Variants in CCSER1 observed in about 807,000 individuals in gnomAD.
CCSER1 encodes serine-rich coiled-coil domain-containing protein 1.
CCSER1 carries 41 observed loss-of-function variants against 82.0 expected under a neutral mutation model. The ratio of observed to expected loss-of-function variants is 0.50; its 90% CI spans 0.39 to 0.65. The LOEUF is 0.65. Among genes scored for constraint, CCSER1 ranks in the 30% least tolerant of loss-of-function variants. The pLI is 0.00. For synonymous variants in CCSER1, 414 were observed against 383.9 expected, an observed-to-expected ratio of 1.08 and a Z score of -0.92; for missense variants, 1,119 against 1,064.2, an observed-to-expected ratio of 1.05 and a Z score of -0.72.
intron 10 of CCSER1, among the ~76,000 whole-genome samples, chr4:91,250,823 A>G (rs1004230688): frequency 6.6e-6 from 1 of 152,104 alleles, no homozygotes; most frequent in African/African-American, 2.4e-5. Context: ...TAGCAATTCT[A>G]AAGTATTGTG....
In CCSER1 at chr4:91,432,581, T is replaced by C. The variant is rs372922896; in HGVS notation, c.2218-165991T>C. ...TGCTATCAAACTTCCATACTTTTAT[T>C]AACTGGTAGGTGAAAAAAATATCTC... On this transcript the variant is annotated intron_variant, in intron 10 of 10. Coordinates refer to ENST00000509176, the MANE Select transcript of CCSER1 (RefSeq NM_001145065.2). Among the ~76,000 whole-genome samples, 33 of 152,296 alleles carry C rather than the reference T, an allele frequency of 2.2e-4. No homozygotes were observed. In the East Asian group the frequency reaches 4.8e-3, roughly 22 times the overall value.
intron 1 of CCSER1, among the ~76,000 whole-genome samples, chr4:90,301,469 C>T (rs1733089683): frequency 6.6e-6 from 1 of 152,048 alleles, no homozygotes; most frequent in Admixed American, 6.6e-5. Flanking sequence ...TCTAAGAGAT[C>T]AAACTGAGTT....
chr4:91,141,442 A>C (rs1729019943), intron 10 of CCSER1, among the ~76,000 whole-genome samples: 1 of 152,056 alleles, frequency 6.6e-6, no homozygotes. Context: ...ATGAACCACC[A>C]TGCCTGGCCC....
intron 3 of CCSER1, among the ~76,000 whole-genome samples, chr4:90,354,420 A>G (rs1744057463): frequency 6.6e-6 from 1 of 152,176 alleles, no homozygotes; most frequent in Non-Finnish European, 1.5e-5. Context: ...CAGCATGGTG[A>G]CAGTAGTTAA....
At chr4:90,787,465 T>A (rs1754671192) in intron 7 of CCSER1, among the ~76,000 whole-genome samples, 1 of 152,248 alleles carries the variant, frequency 6.6e-6, no homozygotes, top group African/African-American at 2.4e-5. Context: ...TTTACTATCA[T>A]TGAATAACAA....
At chr4:91,330,839 G>T (rs1746902166) in intron 10 of CCSER1, among the ~76,000 whole-genome samples, 1 of 152,110 alleles carries the variant, frequency 6.6e-6, no homozygotes, top group Non-Finnish European at 1.5e-5. Context: ...GTCAGTTGCA[G>T]TCTGAAAATA....
intron 10 of CCSER1, among the ~76,000 whole-genome samples, chr4:91,232,416 T>C (rs1170917048): frequency 6.6e-6 from 1 of 151,760 alleles, no homozygotes; most frequent in Non-Finnish European, 1.5e-5. Flanking sequence ...AGATGACTCA[T>C]ATATATTGAT....
At chr4:91,455,237 G>T (rs1756089686) in intron 10 of CCSER1, among the ~76,000 whole-genome samples, 1 of 151,972 alleles carries the variant, frequency 6.6e-6, no homozygotes, top group East Asian at 1.9e-4. Context: ...TGAATTAGGT[G>T]TCCCCTCATT....
intron 5 of CCSER1, among the ~76,000 whole-genome samples, chr4:90,577,261 G>A (rs1303377710): frequency 6.6e-6 from 1 of 151,880 alleles, no homozygotes; most frequent in Non-Finnish European, 1.5e-5. Flanking sequence ...AGTAGGAGGC[G>A]ATTTTTTTCC....
intron 10 of CCSER1, among the ~76,000 whole-genome samples, chr4:91,139,083 T>A (rs1728770932): frequency 6.6e-6 from 1 of 152,146 alleles, no homozygotes; most frequent in Admixed American, 6.6e-5. Flanking sequence ...CATCTTTATG[T>A]CCCTGAGTAC....
chr4:91,370,693 C>T (rs1198309744), intron 10 of CCSER1, among the ~76,000 whole-genome samples: 1 of 148,300 alleles, frequency 6.7e-6, no homozygotes, highest in Non-Finnish European at 1.5e-5. Flanking sequence ...GAGACTCTGT[C>T]TCAAAAAAAA....
intron 9 of CCSER1, among the ~76,000 whole-genome samples, chr4:90,979,661 G>A (rs72884715): frequency 0.054 from 8,187 of 151,828 alleles, 237 homozygotes; most frequent in Middle Eastern, 0.095. Flanking sequence ...ATGTGAGTAG[G>A]AGTCTTAACT....
chr4:90,431,087 C>T (rs889618078), intron 4 of CCSER1, among the ~76,000 whole-genome samples: 3 of 152,074 alleles, frequency 2.0e-5, no homozygotes, highest in Admixed American at 1.3e-4. Context: ...TAGATCCTCA[C>T]TTGGCCCAAA....
At chr4:91,190,899 G>A (rs1420106389) in intron 10 of CCSER1, among the ~76,000 whole-genome samples, 1 of 152,156 alleles carries the variant, frequency 6.6e-6, no homozygotes, top group East Asian at 1.9e-4. Flanking sequence ...TCATGGATAT[G>A]TAGGAAGACT....
intron 10 of CCSER1, among the ~76,000 whole-genome samples, chr4:91,579,576 G>T (rs146642354): frequency 5.1e-4 from 77 of 151,936 alleles, no homozygotes; most frequent in African/African-American, 1.8e-3. Flanking sequence ...TGACAAAGTG[G>T]CTGATGGAAA....
chr4:91,035,875 A>G (rs1741389742), intron 9 of CCSER1, among the ~76,000 whole-genome samples: 1 of 152,312 alleles, frequency 6.6e-6, no homozygotes, highest in East Asian at 1.9e-4. Context: ...ATTTAATAAT[A>G]AAAACATTTC....
At chr4:90,943,489 A>G (rs1413930404) in intron 9 of CCSER1, among the ~76,000 whole-genome samples, 2 of 152,192 alleles carry the variant, frequency 1.3e-5, no homozygotes, top group Middle Eastern at 3.2e-3. Context: ...AGTAATGCCT[A>G]TGCAACATGA....
At position 91,038,600 on chromosome 4, in the gene CCSER1, G is replaced by A. The variant is rs1201719066; in HGVS notation, c.2173-47350G>A. On this transcript the variant is annotated intron_variant, in intron 9 of 10. Coordinates refer to ENST00000509176, the MANE Select transcript of CCSER1 (RefSeq NM_001145065.2). ...ATTTTAATGACATGAAGATGATCAC[G>A]GATCCTGGACTTGATATTCCAATCT... Among the ~76,000 whole-genome samples, 4 of 152,230 alleles carry A rather than the reference G, an allele frequency of 2.6e-5. 1 individual carries two copies. The East Asian group carries it at 5.8e-4, about 22-fold the overall frequency.
chr4:90,591,868 G>A (rs569172025), intron 5 of CCSER1, among the ~76,000 whole-genome samples: 2 of 152,256 alleles, frequency 1.3e-5, no homozygotes, highest in East Asian at 3.9e-4. Flanking sequence ...AAAAGAATGA[G>A]TTCATGTCCT....
Sources: allele counts gnomAD v4.1 joint callset (sites outside exome capture counted in the v4.1 genomes callset), GRCh38; gene constraint gnomAD v4.1.1; transcripts MANE v1.5; gene names NCBI Gene and HGNC (gene_info 2026-07-23, HGNC 2026-07-21).